Variants in VKORC1L1 observed in about 807,000 individuals in gnomAD.
VKORC1L1 encodes vitamin K epoxide reductase complex subunit 1L1, also known as vitamin K epoxide reductase complex subunit 1-like protein 1.
VKORC1L1 carries 2 observed loss-of-function variants against 18.9 expected under a neutral mutation model. That is an observed-to-expected ratio of 0.11 (90% CI 0.04 to 0.33). VKORC1L1 has a LOEUF of 0.33. Among genes scored for constraint, VKORC1L1 ranks in the 10% least tolerant of loss-of-function variants. The probability of loss-of-function intolerance (pLI) is 1.00; values close to 1 mark genes in which losing one functional copy is unlikely to be tolerated. For synonymous variants in VKORC1L1, 96 were observed against 100.0 expected (o/e 0.96, Z 0.24); for missense variants, 123 against 224.1 (o/e 0.55, Z 2.88).
At chr7:65,912,969 G>C (rs1298958997) in intron 1 of VKORC1L1, among the ~76,000 whole-genome samples, 1 of 152,146 alleles carries the variant, frequency 6.6e-6, no homozygotes, top group African/African-American at 2.4e-5. Context: ...AACCCACTCT[G>C]AGTAGCACTG....
intron 1 of VKORC1L1, among the ~76,000 whole-genome samples, chr7:65,936,616 G>T (rs1343361728): frequency 2.6e-5 from 4 of 152,224 alleles, no homozygotes; most frequent in Non-Finnish European, 5.9e-5. Flanking sequence ...ATTTCTGAGA[G>T]ACTTTGCTGT....
At chr7:65,944,341 C>G (rs1293426276) in intron 1 of VKORC1L1, among the ~76,000 whole-genome samples, 2 of 152,048 alleles carry the variant, frequency 1.3e-5, no homozygotes, top group Non-Finnish European at 2.9e-5. Flanking sequence ...TACACTCTGG[C>G]CTGGGTGACA....
intron 1 of VKORC1L1, among the ~76,000 whole-genome samples, chr7:65,930,715 AT>A (rs202028783): frequency 1.3e-5 from 2 of 150,386 alleles, no homozygotes; most frequent in Admixed American, 6.6e-5. Context: ...TATGCCTTTG[AT>A]TTTTTTTTCT....
At chr7:65,870,191 G>A (rs1425822103), upstream of VKORC1L1, among the ~76,000 whole-genome samples, 7 of 151,106 alleles carry the variant, frequency 4.6e-5, no homozygotes, top group South Asian at 2.1e-4. Flanking sequence ...AGGCCAAAGC[G>A]GGTGGATCAC....
intron 1 of VKORC1L1, among the ~76,000 whole-genome samples, chr7:65,913,949 C>G (rs1378411899): frequency 6.6e-6 from 1 of 151,984 alleles, no homozygotes; most frequent in Non-Finnish European, 1.5e-5. Flanking sequence ...GCTGCCAAAA[C>G]ACAGAGCTGG....
In VKORC1L1 at chr7:65,954,472, G is replaced by A. The variant is rs999560078; in HGVS notation, c.*172G>A. The A allele has an allele frequency of 9.6e-6, 11 of 1,139,920 alleles. No individual in the cohort carries two copies. The highest frequency in any genetic ancestry group is 1.2e-5 in the Non-Finnish European group (10 of 853,814). The allele number at this position is 1,139,920 out of a possible 1,614,324, so 70.6% of individuals were successfully genotyped here. On this transcript the variant is annotated 3_prime_UTR_variant, in exon 3 of 3. Transcript: ENST00000360768. The stretch of plus-strand genomic sequence containing the variant: ...TTAGAAGGGGCCCTCGCTATTTTCT[G>A]TGTCAGTCTTCATTTTAAATATGGA...
At chr7:65,930,276 T>C (rs1239560343) in intron 1 of VKORC1L1, among the ~76,000 whole-genome samples, 1 of 152,176 alleles carries the variant, frequency 6.6e-6, no homozygotes, top group Non-Finnish European at 1.5e-5. Flanking sequence ...GCATTTGGCA[T>C]AGACTCAAAT....
intron 1 of VKORC1L1, among the ~76,000 whole-genome samples, chr7:65,928,178 T>G (rs951522170): frequency 6.6e-6 from 1 of 152,066 alleles, no homozygotes; most frequent in African/African-American, 2.4e-5. Context: ...TTGTTGAGTT[T>G]AGAGAAACAT....
In VKORC1L1 at chr7:65,957,475, T is replaced by TC. The variant is rs11296119; in HGVS notation, c.*3184dup. The TC allele has an allele frequency of 2.7e-3, 339 of 126,974 alleles. 2 individuals are homozygous for TC. Among genetic ancestry groups the TC allele is most frequent in the African/African-American group, 7.4e-3 (229 of 30,750 alleles). 7.9% of individuals were successfully genotyped at this position (126,974 alleles called of 1,614,324 possible). ...CAGCCTGGCCAACAGAGCGAGACTG[T>TC]CCCCCCCCCAAAAAAAAAAGAGAGA... On this transcript the variant is annotated 3_prime_UTR_variant, in exon 3 of 3. Transcript: ENST00000360768.
upstream of VKORC1L1, among the ~76,000 whole-genome samples, chr7:65,872,278 A>G (rs1296387838): frequency 6.6e-6 from 1 of 151,410 alleles, no homozygotes; most frequent in African/African-American, 2.4e-5. Context: ...ATGGTAAGCA[A>G]CTTCAAATTC....
chr7:65,921,062 TG>T (rs79052634), intron 1 of VKORC1L1, among the ~76,000 whole-genome samples: 5,673 of 151,842 alleles, frequency 0.037, 165 homozygotes, highest in East Asian at 0.09. Flanking sequence ...TCTTTTACTT[TG>T]GGGGGGGTTT....
the VKORC1L1 span, among the ~76,000 whole-genome samples, chr7:65,866,139 G>A: frequency 6.6e-6 from 1 of 152,080 alleles, no homozygotes; most frequent in Non-Finnish European, 1.5e-5. Flanking sequence ...CCTGGGCTCC[G>A]TATGACTTGT....
chr7:65,871,100 G>A (rs1445348713), upstream of VKORC1L1, among the ~76,000 whole-genome samples: 1 of 152,186 alleles, frequency 6.6e-6, no homozygotes, highest in Non-Finnish European at 1.5e-5. Flanking sequence ...TGAGGACTGT[G>A]GTAGATAGCT....
intron 1 of VKORC1L1, among the ~76,000 whole-genome samples, chr7:65,878,575 A>G (rs1788869630): frequency 1.3e-5 from 2 of 152,152 alleles, no homozygotes; most frequent in South Asian, 4.1e-4. Flanking sequence ...CTTCCAGAGT[A>G]CTTATTTAAA....
intron 1 of VKORC1L1, among the ~76,000 whole-genome samples, chr7:65,948,025 T>C (rs993656020): frequency 1.3e-5 from 2 of 152,184 alleles, no homozygotes; most frequent in African/African-American, 4.8e-5. Flanking sequence ...TATTTCTTAA[T>C]GCATATCCTG....
At chr7:65,949,657 A>T (rs1043324668) in intron 2 of VKORC1L1, among the ~76,000 whole-genome samples, 1 of 150,148 alleles carries the variant, frequency 6.7e-6, no homozygotes, top group Non-Finnish European at 1.5e-5. Context: ...GGTGGCACAC[A>T]CCTGTAGTCC....
chr7:65,873,701 C>T, intron 1 of VKORC1L1, 136 bp downstream of exon 1: 1 of 61,410 alleles, frequency 1.6e-5, no homozygotes, highest in Non-Finnish European at 3.1e-5. Flanking sequence ...GGGGTCGGGT[C>T]GGGGCCAGGC....
At chr7:65,869,082 A>G (rs1788694468), upstream of VKORC1L1, among the ~76,000 whole-genome samples, 1 of 152,164 alleles carries the variant, frequency 6.6e-6, no homozygotes, top group Non-Finnish European at 1.5e-5. Context: ...TGGGAGGCCG[A>G]GGCGGGCAGA....
rs1790302198 is a variant in VKORC1L1, at chr7:65,956,745, G to C, written c.*2445G>C. 1.3e-5 allele frequency: 2 copies of C among 152,178 alleles called. No homozygotes were observed. The highest frequency in any genetic ancestry group is 2.1e-4 in the South Asian group (1 of 4,838). 9.4% of individuals were successfully genotyped at this position (152,178 alleles called of 1,614,324 possible). ...TACCTCCGATTCTGCCCAGAAGAGG[G>C]GGGGAATCACCAGTGTTACAAAATT... is the stretch of plus-strand genomic sequence containing the variant. On this transcript the variant is annotated 3_prime_UTR_variant, in exon 3 of 3. Transcript: ENST00000360768.
Sources: gnomAD v4.1 joint callset for allele counts (sites outside exome capture counted in the v4.1 genomes callset) on GRCh38, gnomAD v4.1.1 for gene constraint, MANE v1.5 for transcripts, NCBI Gene and HGNC (gene_info 2026-07-23, HGNC 2026-07-21) for gene names.